REEP1: variants seen among roughly 807,000 people sequenced by gnomAD.
REEP1 encodes the protein receptor accessory protein 1, also known as receptor expression-enhancing protein 1.
A neutral mutation model predicts 40.3 loss-of-function variants in REEP1; 22 were observed. That is an observed-to-expected ratio of 0.55 (90% CI 0.39 to 0.78). The LOEUF is 0.78. Ranked by LOEUF, REEP1 falls within the 30% of genes least tolerant of loss-of-function variation. REEP1 has a pLI of 0.00. For missense variants in REEP1, 280 were observed against 361.1 expected (o/e 0.78, Z 1.82); for synonymous variants, 116 against 139.2 (o/e 0.83, Z 1.17).
intron 1 of REEP1, among the ~76,000 whole-genome samples, chr2:86,289,975 G>A (rs1479143704): frequency 2.0e-5 from 3 of 152,068 alleles, no homozygotes; most frequent in African/African-American, 2.4e-5. Flanking sequence ...ATGTGTTAAT[G>A]ACTCCATTTA....
At position 86,254,743 on chromosome 2, in the gene REEP1, C is replaced by T. The variant is rs770142567; in HGVS notation, c.254G>A (p.Ser85Asn). The T allele has an allele frequency of 5.0e-6, 8 of 1,613,922 alleles. No homozygotes were observed. The highest frequency in any genetic ancestry group is 6.8e-6 in the Non-Finnish European group (8 of 1,179,756). ...WLLSPYTKGS[S>N]LLYRKFVHPT... ...ATGTACAAACTTCCTGTACAGGAGGCTGGAGCCTTTTGTGTAGGGAGACAG... is the reference window on the plus strand; with the variant it reads ...ATGTACAAACTTCCTGTACAGGAGGTTGGAGCCTTTTGTGTAGGGAGACAG... Residue 85 changes from serine to asparagine, a missense_variant, in exon 4 of 9, where the codon AGC (serine) becomes AAC (asparagine). Around this residue, in one of 3 missense-constraint regions of REEP1, gnomAD observed 11 missense variants for 38.9 expected, o/e 0.28. Transcript: ENST00000538924.
At chr2:86,307,126 C>A (rs939227203) in intron 1 of REEP1, among the ~76,000 whole-genome samples, 11 of 151,800 alleles carry the variant, frequency 7.2e-5, no homozygotes, top group Admixed American at 2.6e-4. Flanking sequence ...ATCGCTTGAA[C>A]CTGGGAGGTG....
At chr2:86,238,937 G>A (rs909278684) in intron 5 of REEP1, among the ~76,000 whole-genome samples, 2 of 152,128 alleles carry the variant, frequency 1.3e-5, no homozygotes, top group African/African-American at 4.8e-5. Context: ...GGCCAGGGAT[G>A]TATCTGAATA....
chr2:86,246,111 A>C (rs529151257), intron 5 of REEP1, among the ~76,000 whole-genome samples: 1 of 152,360 alleles, frequency 6.6e-6, no homozygotes, highest in Admixed American at 6.5e-5. Flanking sequence ...TACATGTGGC[A>C]AGTGGATACC....
At chr2:86,219,469 GAGA>G (rs1674302081) in intron 8 of REEP1, among the ~76,000 whole-genome samples, 7 of 68,972 alleles carry the variant, frequency 1.0e-4, no homozygotes, top group Admixed American at 1.0e-3. Flanking sequence ...TTTTTTTTTT[GAGA>G]AGGAGTCTCG....
In REEP1 at chr2:86,337,359, A is replaced by T; in HGVS notation, c.32+120T>A. The T allele has an allele frequency of 1.7e-6, 1 of 591,912 alleles. No homozygotes were observed. Among genetic ancestry groups the T allele is most frequent in the Non-Finnish European group, 2.4e-6 (1 of 421,034 alleles). The allele number at this position is 591,912 out of a possible 1,614,324, so 36.7% of individuals were successfully genotyped here. The stretch of plus-strand genomic sequence containing the variant: ...GGCGGCTACTGTACCTGCTAAATTT[A>T]GCTGCGCCGGGTATTAATAGCCCGA... On this transcript the variant is annotated intron_variant, in intron 1 of 8. Coordinates refer to ENST00000538924, the MANE Select transcript of REEP1 (RefSeq NM_001371279.1). This position sits in a 1 kb window ranked among gnomAD's most constrained non-coding sequence, Gnocchi z 5.8.
intron 7 of REEP1, among the ~76,000 whole-genome samples, chr2:86,227,106 C>G (rs1486415177): frequency 1.3e-5 from 2 of 152,218 alleles, no homozygotes; most frequent in Non-Finnish European, 2.9e-5. Context: ...CCTCCGATAA[C>G]TCAGCCCAGG....
At chr2:86,217,666 A>T (rs80328569) in intron 8 of REEP1, among the ~76,000 whole-genome samples, 12 of 112,896 alleles carry the variant, frequency 1.1e-4, no homozygotes, top group Admixed American at 3.1e-4. Context: ...GGGATTTCAG[A>T]TTTTTTTTTT....
chr2:86,299,529 T>C (rs189874971), intron 1 of REEP1, among the ~76,000 whole-genome samples: 24 of 152,332 alleles, frequency 1.6e-4, no homozygotes, highest in African/African-American at 5.8e-4. Flanking sequence ...GTTATATGTG[T>C]GCCTTCTACA....
intron 5 of REEP1, among the ~76,000 whole-genome samples, chr2:86,234,129 A>T (rs1014043997): frequency 8.5e-5 from 13 of 152,074 alleles, no homozygotes; most frequent in African/African-American, 2.4e-4. Context: ...CAATTCGCTG[A>T]AGTGAAAAAT....
At chr2:86,295,184 G>T (rs1477210790) in intron 1 of REEP1, among the ~76,000 whole-genome samples, 2 of 152,240 alleles carry the variant, frequency 1.3e-5, no homozygotes, top group African/African-American at 4.8e-5. Context: ...GCAGCTCGCA[G>T]CTGCTAAAGT....
chr2:86,226,749 C>A (rs1403216316), intron 7 of REEP1, among the ~76,000 whole-genome samples: 1 of 151,828 alleles, frequency 6.6e-6, no homozygotes, highest in Non-Finnish European at 1.5e-5. Context: ...GGATTACAGG[C>A]ATGAGCCACC....
intron 1 of REEP1, among the ~76,000 whole-genome samples, chr2:86,306,121 A>T (rs902298827): frequency 2.6e-5 from 4 of 152,070 alleles, no homozygotes; most frequent in African/African-American, 9.7e-5. Flanking sequence ...TCACCTTTGA[A>T]TGACACCATA....
chr2:86,217,223 G>T (rs1208446336), intron 8 of REEP1, 113 bp from the exon 9 acceptor site: 6 of 839,568 alleles, frequency 7.1e-6, no homozygotes, highest in Middle Eastern at 2.5e-4. Context: ...GCCAAATGCA[G>T]CTGGCTAGGG....
At chr2:86,251,689 T>C in intron 5 of REEP1, 4 of 513,342 alleles carry the variant, frequency 7.8e-6, no homozygotes, top group Non-Finnish European at 1.1e-5. Flanking sequence ...TTGGATAAGT[T>C]AGAAATTCTT....
In REEP1 at chr2:86,235,939, G is replaced by A. The variant is rs542888869; in HGVS notation, c.418-3137C>T. Among the ~76,000 whole-genome samples the A allele has an allele frequency of 3.9e-5, 6 of 152,312 alleles. No homozygotes were observed. The East Asian group carries it at 5.8e-4, about 15-fold the overall frequency. The stretch of plus-strand genomic sequence containing the variant: ...ATGGTTAAAATCAGTATGCCTGACC[G>A]GGCGCGGTGGTTCACGCCTGTAATC... On this transcript the variant is annotated intron_variant, in intron 5 of 8. Coordinates refer to ENST00000538924, the MANE Select transcript of REEP1 (RefSeq NM_001371279.1).
intron 8 of REEP1, 58 bp from the exon 9 acceptor site, chr2:86,217,168 G>A (rs1311404029): frequency 1.4e-6 from 2 of 1,441,554 alleles, no homozygotes; most frequent in Non-Finnish European, 2.0e-6. Flanking sequence ...GATCTTTTGA[G>A]GTCAGCACCT....
At chr2:86,260,023 G>A (rs1676772190) in intron 3 of REEP1, among the ~76,000 whole-genome samples, 1 of 152,222 alleles carries the variant, frequency 6.6e-6, no homozygotes, top group Non-Finnish European at 1.5e-5. Context: ...AATGCTCAGA[G>A]CTGCGGAGAT....
At chr2:86,334,225 C>CT (rs1345969439) in intron 1 of REEP1, among the ~76,000 whole-genome samples, 2 of 152,212 alleles carry the variant, frequency 1.3e-5, no homozygotes, top group Non-Finnish European at 2.9e-5. Context: ...CTGGCTGTCC[C>CT]TGGAGGCCAT....
Sources: allele counts gnomAD v4.1 joint callset (sites outside exome capture counted in the v4.1 genomes callset), GRCh38; gene constraint gnomAD v4.1.1; regional missense constraint gnomAD v4.1.1; non-coding constraint Gnocchi (gnomAD v3.1); transcripts MANE v1.5; gene names NCBI Gene and HGNC (gene_info 2026-07-23, HGNC 2026-07-21).